EPHA3: variants seen among roughly 807,000 people sequenced by gnomAD.
The protein encoded by EPHA3 is EPH receptor A3, also known as ephrin type-A receptor 3.
A neutral mutation model predicts 107.1 loss-of-function variants in EPHA3; 42 were observed. The observed-to-expected ratio is 0.39, with a 90% CI of 0.31 to 0.51. The LOEUF is 0.51. Ranked by LOEUF, EPHA3 falls within the 20% of genes least tolerant of loss-of-function variation. EPHA3 has a pLI of 0.78. For synonymous variants in EPHA3, 461 were observed against 424.8 expected (o/e 1.09, Z -1.05); for missense variants, 1,183 against 1,211.2 (o/e 0.98, Z 0.35).
chr3:89,359,673 T>TTGTGTG (rs34701566), intron 5 of EPHA3, among the ~76,000 whole-genome samples: 2 of 145,646 alleles, frequency 1.4e-5, no homozygotes. Flanking sequence ...ACATTATATA[T>TTGTGTG]TGTGTGTGTG....
At chr3:89,113,740 G>T (rs1398001418) in intron 1 of EPHA3, among the ~76,000 whole-genome samples, 1 of 82,242 alleles carries the variant, frequency 1.2e-5, no homozygotes, top group African/African-American at 6.5e-5. Flanking sequence ...GGTTGAGGTG[G>T]GGGGGGGCTG....
At chr3:89,139,480 GC>G (rs1704381771) in intron 2 of EPHA3, among the ~76,000 whole-genome samples, 1 of 151,770 alleles carries the variant, frequency 6.6e-6, no homozygotes, top group Non-Finnish European at 1.5e-5. Context: ...ATGGAAATTT[GC>G]CTATCCTGAG....
At chr3:89,317,675 G>A (rs536842347) in intron 3 of EPHA3, among the ~76,000 whole-genome samples, 1 of 151,622 alleles carries the variant, frequency 6.6e-6, no homozygotes, top group South Asian at 2.1e-4. Context: ...TGCCCCAAAT[G>A]TACACATTTT....
chr3:89,288,011 A>T (rs1026972236), intron 3 of EPHA3, among the ~76,000 whole-genome samples: 3 of 152,102 alleles, frequency 2.0e-5, no homozygotes, highest in African/African-American at 7.2e-5. Context: ...TGACAGGAAA[A>T]CATACCAGAA....
At chr3:89,267,464 T>A (rs1003122299) in intron 3 of EPHA3, among the ~76,000 whole-genome samples, 1 of 152,122 alleles carries the variant, frequency 6.6e-6, no homozygotes, top group Non-Finnish European at 1.5e-5. Context: ...CCTATTCTTA[T>A]TAAAAAAGAA....
At chr3:89,219,687 T>TGG (rs1704305177) in intron 3 of EPHA3, among the ~76,000 whole-genome samples, 1 of 23,236 alleles carries the variant, frequency 4.3e-5, no homozygotes, top group Non-Finnish European at 9.2e-5. Context: ...CATTTGGCAA[T>TGG]GTTTTTTTTT....
chr3:89,319,573 G>A (rs1356910843), intron 3 of EPHA3, among the ~76,000 whole-genome samples: 4 of 151,806 alleles, frequency 2.6e-5, no homozygotes, highest in Admixed American at 2.0e-4. Context: ...CAGAAAGAGT[G>A]GTGAAAAAAC....
At chr3:89,457,038 C>T (rs1292897152) in intron 15 of EPHA3, among the ~76,000 whole-genome samples, 7 of 151,992 alleles carry the variant, frequency 4.6e-5, no homozygotes, top group Admixed American at 6.6e-5. Flanking sequence ...TCGGGAATCC[C>T]GAGGGGAGGT....
At position 89,341,985 on chromosome 3, in the gene EPHA3, G is replaced by T. The variant is rs1367928047; in HGVS notation, c.1201G>T (p.Ala401Ser). ...CACGGTGACAGTGACAGACCTTCTG[G>T]CACATACTAACTACACCTTTGAGAT... Reference protein sequence around the residue: ...NTTVTVTDLLAHTNYTFEIDA... With the variant: ...NTTVTVTDLLSHTNYTFEIDA... The change falls in exon 5 of 17, where the codon GCA (alanine) becomes TCA (serine). Residue 401 changes from alanine to serine, a missense_variant. Coordinates refer to ENST00000336596, the MANE Select transcript of EPHA3 (RefSeq NM_005233.6). The T allele has an allele frequency of 6.2e-7, 1 of 1,612,954 alleles. No individual in the cohort carries two copies.
chr3:89,333,943 T>C (rs1707344332), intron 3 of EPHA3, among the ~76,000 whole-genome samples: 1 of 152,170 alleles, frequency 6.6e-6, no homozygotes, highest in East Asian at 1.9e-4. Context: ...CTCTTTTCAG[T>C]TGTCTTTTTA....
chr3:89,452,247 G>T (rs1283638019), intron 15 of EPHA3, among the ~76,000 whole-genome samples: 1 of 152,030 alleles, frequency 6.6e-6, no homozygotes, highest in Non-Finnish European at 1.5e-5. Flanking sequence ...GGATCATATG[G>T]TGATTCTATT....
At chr3:89,209,247 A>T (rs887115748) in intron 2 of EPHA3, among the ~76,000 whole-genome samples, 2 of 152,148 alleles carry the variant, frequency 1.3e-5, no homozygotes, top group Non-Finnish European at 2.9e-5. Flanking sequence ...TTTTTCACAC[A>T]TAACTTGGTT....
At chr3:89,155,415 T>C (rs757517279) in intron 2 of EPHA3, among the ~76,000 whole-genome samples, 49 of 152,070 alleles carry the variant, frequency 3.2e-4, no homozygotes, top group Admixed American at 8.5e-4. Context: ...CAATATGTAC[T>C]GTTTCATTTA....
At position 89,129,630 on chromosome 3, in the gene EPHA3, C is replaced by T. The variant is rs1387868986; in HGVS notation, c.153+2357C>T. 2.1e-5 allele frequency among the ~76,000 whole-genome samples: 3 copies of T among 144,358 alleles called. No individual in the cohort carries two copies. The East Asian group carries it at 6.1e-4, about 29-fold the overall frequency. The allele number at this position is 144,358 out of a possible 152,430, so 94.7% of individuals were successfully genotyped here. A position where few individuals can be genotyped will look rare whatever the true frequency, so the allele number is the denominator to read the frequency against. On this transcript the variant is annotated intron_variant, in intron 2 of 16. Transcript: ENST00000336596. Reference sequence around the variant, plus strand: ...TTTTTTTTTTTTTTGAGAAACTGACCAAATTACTGGGTGAAAATAATGTAT... The same window carrying T: ...TTTTTTTTTTTTTTGAGAAACTGACTAAATTACTGGGTGAAAATAATGTAT...
At chr3:89,457,243 A>T (rs1312549125) in intron 15 of EPHA3, among the ~76,000 whole-genome samples, 1 of 152,182 alleles carries the variant, frequency 6.6e-6, no homozygotes, top group East Asian at 1.9e-4. Flanking sequence ...AGACTATAGG[A>T]TAAAAAAAGG....
At chr3:89,333,568 A>T (rs1260541257) in intron 3 of EPHA3, among the ~76,000 whole-genome samples, 1 of 152,180 alleles carries the variant, frequency 6.6e-6, no homozygotes, top group East Asian at 1.9e-4. Flanking sequence ...TTAGCAAGAA[A>T]AGGGTAAATA....
At chr3:89,414,063 CA>C (rs1178093699) in intron 10 of EPHA3, among the ~76,000 whole-genome samples, 13 of 151,552 alleles carry the variant, frequency 8.6e-5, no homozygotes, top group Non-Finnish European at 1.3e-4. Flanking sequence ...CTCCCCAAAG[CA>C]AACATAAACT....
intron 1 of EPHA3, among the ~76,000 whole-genome samples, chr3:89,115,038 G>A (rs1258614542): frequency 6.6e-6 from 1 of 152,148 alleles, no homozygotes; most frequent in Non-Finnish European, 1.5e-5. Flanking sequence ...GGTTCACCAG[G>A]TGACAGCCAG....
intron 5 of EPHA3, among the ~76,000 whole-genome samples, chr3:89,358,259 C>A (rs1708010181): frequency 6.6e-6 from 1 of 150,780 alleles, no homozygotes; most frequent in Non-Finnish European, 1.5e-5. Context: ...ATATATAATA[C>A]CTTGTGTGGT....
Sources: allele counts gnomAD v4.1 joint callset (sites outside exome capture counted in the v4.1 genomes callset), GRCh38; gene constraint gnomAD v4.1.1; transcripts MANE v1.5; gene names NCBI Gene and HGNC (gene_info 2026-07-23, HGNC 2026-07-21).